The following SYNE2 variants were observed in gnomAD, a reference collection of about 807,000 sequenced individuals.
SYNE2 encodes the protein nesprin-2.
Under a neutral mutation model 856.3 loss-of-function variants are expected in SYNE2, and 431 were observed. The ratio of observed to expected loss-of-function variants is 0.50; its 90% confidence interval spans 0.47 to 0.55. The LOEUF (loss-of-function observed/expected upper bound fraction) is 0.55, where lower values mean the gene tolerates loss of function less well. SYNE2 is among the 20% of genes least tolerant of loss of function. SYNE2 has a pLI of 0.00. For synonymous variants in SYNE2, 2,923 were observed against 2,872.3 expected (o/e 1.02, Z -0.56); for missense variants, 8,129 against 8,023.2 (o/e 1.01, Z -0.50).
chr14:64,027,703 C>T lies in SYNE2; in HGVS notation c.6624C>T (p.Tyr2208=). 1.2e-6 allele frequency: 2 copies of T among 1,614,040 alleles called. No individual in the cohort carries two copies. The highest frequency in any genetic ancestry group is 1.7e-6 in the Non-Finnish European group (2 of 1,179,942). ...AGGAGTTAAAATCTCAGGGAAACTA[C>T]CTCTTGGAGTGCACTAAAAATCCCA... is the stretch of plus-strand genomic sequence containing the variant. ...LLKELKSQGN[Y]LLECTKNPSF... The change falls in exon 43 of 116, where the codon TAC becomes TAT. Residue 2208 remains tyrosine, a synonymous_variant. Coordinates refer to ENST00000555002, the MANE Select transcript of SYNE2 (RefSeq NM_182914.3).
intron 38 of SYNE2, 63 bp from the exon 39 acceptor site, chr14:64,024,194 G>T: frequency 3.4e-6 from 5 of 1,456,698 alleles, no homozygotes; most frequent in Non-Finnish European, 4.8e-6. Flanking sequence ...AGTGTCGTGA[G>T]GGTGGCAGAG....
At chr14:63,797,030 C>A (rs1382246144) in intron 1 of SYNE2, among the ~76,000 whole-genome samples, 1 of 136,968 alleles carries the variant, frequency 7.3e-6, no homozygotes, top group African/African-American at 2.7e-5. Context: ...AGTGAGCCAA[C>A]CTCGTGCCAC....
At chr14:64,146,571 AG>A (rs1330902695) in intron 84 of SYNE2, among the ~76,000 whole-genome samples, 1 of 152,210 alleles carries the variant, frequency 6.6e-6, no homozygotes, top group Non-Finnish European at 1.5e-5. Flanking sequence ...ATTACTCTAA[AG>A]GTTTCATTAT....
chr14:64,173,078 C>T (rs910995075), intron 94 of SYNE2, among the ~76,000 whole-genome samples: 1 of 152,180 alleles, frequency 6.6e-6, no homozygotes, highest in Non-Finnish European at 1.5e-5. Flanking sequence ...AAAAAACAAT[C>T]ATTCTCCTTG....
chr14:64,015,096 A>C (rs2096882743), intron 32 of SYNE2, among the ~76,000 whole-genome samples: 1 of 147,974 alleles, frequency 6.8e-6, no homozygotes, highest in Non-Finnish European at 1.5e-5. Context: ...TAACGTGTAT[A>C]TATATATATG....
At chr14:64,142,634 T>C (rs1203071612) in intron 82 of SYNE2, among the ~76,000 whole-genome samples, 1 of 152,214 alleles carries the variant, frequency 6.6e-6, no homozygotes, top group East Asian at 1.9e-4. Context: ...ATTATAATTA[T>C]TGGTTTATTT....
upstream of SYNE2, among the ~76,000 whole-genome samples, chr14:63,849,666 A>C (rs1890341190): frequency 6.6e-6 from 1 of 152,190 alleles, no homozygotes; most frequent in Admixed American, 6.5e-5. Context: ...GTATAAACAC[A>C]TGAGGGTGGG....
chr14:64,174,783 G>C (rs1026040416), intron 94 of SYNE2, among the ~76,000 whole-genome samples, 161 bp from the exon 95 acceptor site: 1 of 152,104 alleles, frequency 6.6e-6, no homozygotes, highest in Admixed American at 6.5e-5. Flanking sequence ...TAAAACATTA[G>C]CTTTTGATGT....
intron 87 of SYNE2, 91 bp downstream of exon 87, chr14:64,159,533 C>T: frequency 6.9e-7 from 1 of 1,455,414 alleles, no homozygotes; most frequent in South Asian, 1.2e-5. Context: ...AAGTCTTCTT[C>T]CTCCTCTGAG....
chr14:63,838,142 G>C (rs1204329390), intron 1 of SYNE2, among the ~76,000 whole-genome samples: 1 of 152,140 alleles, frequency 6.6e-6, no homozygotes, highest in Non-Finnish European at 1.5e-5. Context: ...GGCCAAGGCG[G>C]GTAGATCATC....
chr14:64,186,487 G>T lies in SYNE2; in HGVS notation c.17620G>T (p.Asp5874Tyr). The T allele has an allele frequency of 6.2e-7, 1 of 1,614,230 alleles. No homozygotes were observed. Among genetic ancestry groups the T allele is most frequent in the Non-Finnish European group, 8.5e-7 (1 of 1,180,034 alleles). The change falls in exon 97 of 116, where the codon GAC (aspartate) becomes TAC (tyrosine). Residue 5874 changes from aspartate to tyrosine, a missense_variant. Asp to Tyr is a radical substitution (Grantham distance 160, BLOSUM62 -3). Transcript: ENST00000555002. ...NLKELQTMKA[D>Y]LTRHVLVEDV... ...GAAAGAACTTCAAACTATGAAGGCGGACTTAACCCGGCACGTTCTCGTGGA... is the reference window on the plus strand; with the variant it reads ...GAAAGAACTTCAAACTATGAAGGCGTACTTAACCCGGCACGTTCTCGTGGA...
At chr14:64,110,085 A>G (rs1414102875) in intron 65 of SYNE2, among the ~76,000 whole-genome samples, 1 of 152,178 alleles carries the variant, frequency 6.6e-6, no homozygotes, top group Non-Finnish European at 1.5e-5. Context: ...TAGGTACTGT[A>G]CTTTAGGTAT....
intron 1 of SYNE2, among the ~76,000 whole-genome samples, chr14:63,812,355 T>C (rs531466183): frequency 6.6e-6 from 1 of 152,324 alleles, no homozygotes; most frequent in South Asian, 2.1e-4. Context: ...TCAGACCTTA[T>C]GGTTGTCTTC....
intron 66 of SYNE2, 78 bp downstream of exon 66, chr14:64,113,649 C>T: frequency 7.0e-7 from 1 of 1,435,796 alleles, no homozygotes; most frequent in Non-Finnish European, 9.6e-7. Context: ...TCTCTTAAAG[C>T]AACACTGTTT....
intron 10 of SYNE2, among the ~76,000 whole-genome samples, chr14:63,965,669 C>G (rs1429920125): frequency 6.6e-6 from 1 of 152,204 alleles, no homozygotes; most frequent in African/African-American, 2.4e-5. Context: ...ATCTCCCTGT[C>G]TGTTAAGTCA....
chr14:64,036,854 AT>A (rs1315824447), intron 45 of SYNE2, among the ~76,000 whole-genome samples: 3 of 152,176 alleles, frequency 2.0e-5, no homozygotes, highest in African/African-American at 7.2e-5. Flanking sequence ...GGCAGTGAGG[AT>A]CCCCACATAA....
intron 60 of SYNE2, among the ~76,000 whole-genome samples, chr14:64,092,032 T>TAA (rs2097621833): frequency 6.6e-6 from 1 of 152,192 alleles, no homozygotes; most frequent in South Asian, 2.1e-4. Flanking sequence ...GCTGGTCAAC[T>TAA]GATGTCATTC....
At chr14:63,847,417 A>G (rs1332372646) in intron 1 of SYNE2, among the ~76,000 whole-genome samples, 1 of 151,978 alleles carries the variant, frequency 6.6e-6, no homozygotes, top group Non-Finnish European at 1.5e-5. Context: ...TGATCATACC[A>G]TTGCACTCCA....
At chr14:64,189,067 C>T (rs1462399947) in intron 98 of SYNE2, 4 of 687,216 alleles carry the variant, frequency 5.8e-6, no homozygotes, top group Admixed American at 2.0e-5. Context: ...GGCGTGGTGG[C>T]TCATTGCTGT....
Sources: gnomAD v4.1 joint callset for allele counts (sites outside exome capture counted in the v4.1 genomes callset) on GRCh38, gnomAD v4.1.1 for gene constraint, MANE v1.5 for transcripts, NCBI Gene and HGNC (gene_info 2026-07-23, HGNC 2026-07-21) for gene names.